The following STARD9 variants were observed in gnomAD, a reference collection of about 807,000 sequenced individuals.
STARD9 encodes StAR related lipid transfer domain containing 9, also known as stAR-related lipid transfer protein 9.
Under a neutral mutation model 399.8 loss-of-function variants are expected in STARD9, and 346 were observed. That is an observed-to-expected ratio of 0.87 (90% CI 0.79 to 0.95). The LOEUF is 0.95. Among genes scored for constraint, STARD9 ranks in the 40% least tolerant of loss-of-function variants. The pLI, the probability that STARD9 is intolerant of heterozygous loss-of-function variation, is 0.00. For synonymous variants in STARD9, 2,203 were observed against 2,143.5 expected, an observed-to-expected ratio of 1.03 and a Z score of -0.77; for missense variants, 5,832 against 5,667.5, an observed-to-expected ratio of 1.03 and a Z score of -0.93.
intron 3 of STARD9, among the ~76,000 whole-genome samples, chr15:42,632,372 G>GT (rs1438835404): frequency 6.6e-6 from 1 of 152,042 alleles, no homozygotes; most frequent in African/African-American, 2.4e-5. Context: ...GTTGGGTCTT[G>GT]TTTTTTAAAT....
chr15:42,620,286 AT>A lies in STARD9; in HGVS notation c.235-14557del, dbSNP rs869052417. 9.6e-3 allele frequency among the ~76,000 whole-genome samples: 1,402 copies of A among 146,530 alleles called. 15 individuals are homozygous for A. The highest frequency in any genetic ancestry group is 0.031 in the African/African-American group (1,229 of 40,238). On this transcript the variant is annotated intron_variant, in intron 3 of 32. Coordinates refer to ENST00000290607, the MANE Select transcript of STARD9 (RefSeq NM_020759.3). ...TCCAATTAGCAGCAGTTATAAGTAG[AT>A]TTTTTTTTTTTTCCGAGACTATGTC...
Position 42,718,047 on chromosome 15 carries a change from G to C in STARD9, c.13630G>C (p.Gly4544Arg). The C allele has an allele frequency of 6.5e-7, 1 of 1,537,228 alleles. No individual in the cohort carries two copies. Among genetic ancestry groups the C allele is most frequent in the Non-Finnish European group, 8.7e-7 (1 of 1,146,910 alleles). The change falls in exon 30 of 33, where the codon GGG (glycine) becomes CGG (arginine). Residue 4544 changes from glycine (G) to arginine (R), a missense_variant. Physicochemically the swap from Gly to Arg is moderately radical, Grantham distance 125 (BLOSUM62 -2). Coordinates refer to ENST00000290607, the MANE Select transcript of STARD9 (RefSeq NM_020759.3). ...VFSPTRHGFL[G>R]AGVVSQPLSR... is the part of the protein sequence containing the mutation. Reference sequence around the variant, plus strand: ...TTCTCCCACTCGGCATGGCTTCCTGGGGGCAGGTGTGGTGTCCCAGCCGCT... The same window carrying C: ...TTCTCCCACTCGGCATGGCTTCCTGCGGGCAGGTGTGGTGTCCCAGCCGCT...
chr15:42,620,491 A>G (rs78617381), intron 3 of STARD9, among the ~76,000 whole-genome samples: 1 of 151,824 alleles, frequency 6.6e-6, no homozygotes, highest in Non-Finnish European at 1.5e-5. Flanking sequence ...AAAAAAAAAA[A>G]TTTTCAGGAA....
chr15:42,709,568 C>G (rs1181065742), intron 26 of STARD9, among the ~76,000 whole-genome samples: 1 of 152,108 alleles, frequency 6.6e-6, no homozygotes, highest in African/African-American at 2.4e-5. Context: ...GCCTGTAGAC[C>G]CAGCTACACA....
intron 3 of STARD9, among the ~76,000 whole-genome samples, chr15:42,589,394 A>G (rs2058349919): frequency 6.6e-6 from 1 of 152,096 alleles, no homozygotes; most frequent in Non-Finnish European, 1.5e-5. Flanking sequence ...CAGGTGTGTA[A>G]CTGACACTAC....
At position 42,693,029 on chromosome 15, in the gene STARD9, C is replaced by T; in HGVS notation, c.11451C>T (p.Ser3817=). 1.3e-6 allele frequency: 2 copies of T among 1,537,202 alleles called. No individual in the cohort carries two copies. Among genetic ancestry groups the T allele is most frequent in the Non-Finnish European group, 8.7e-7 (1 of 1,146,900 alleles). The part of the protein sequence containing the change: ...YKPQSPSIPS[S]HLRFQKAPVG... ...CCCAGAGCCCTTCAATACCCTCATC[C>T]CACTTGAGGTTTCAGAAAGCCCCCG... Residue 3817 remains serine, a synonymous_variant, in exon 23 of 33, where the codon TCC becomes TCT. Coordinates refer to ENST00000290607, the MANE Select transcript of STARD9 (RefSeq NM_020759.3).
chr15:42,658,092 T>C (rs1325340173), intron 9 of STARD9, among the ~76,000 whole-genome samples: 1 of 152,178 alleles, frequency 6.6e-6, no homozygotes. Context: ...AAAACACAAA[T>C]TGAACAGAAG....
intron 9 of STARD9, among the ~76,000 whole-genome samples, chr15:42,653,631 A>G (rs561235567): frequency 2.0e-5 from 3 of 152,146 alleles, no homozygotes; most frequent in African/African-American, 7.2e-5. Flanking sequence ...AATATAAAAA[A>G]CTGGCAATAA....
intron 15 of STARD9, among the ~76,000 whole-genome samples, chr15:42,668,058 C>T (rs2060137012): frequency 6.6e-6 from 1 of 152,146 alleles, no homozygotes; most frequent in Admixed American, 6.5e-5. Flanking sequence ...TTATGCAGGC[C>T]AGCTGAGCTG....
intron 1 of STARD9, chr15:42,581,543 C>A (rs1029663641): frequency 3.3e-6 from 4 of 1,199,978 alleles, no homozygotes; most frequent in African/African-American, 1.5e-5. Context: ...GGCGCCGGGC[C>A]GGTCTGCTCC....
intron 3 of STARD9, among the ~76,000 whole-genome samples, chr15:42,627,211 G>A (rs1018133500): frequency 6.6e-6 from 1 of 152,130 alleles, no homozygotes; most frequent in African/African-American, 2.4e-5. Context: ...TGGGAGGATT[G>A]CTTGAGCCTG....
intron 3 of STARD9, among the ~76,000 whole-genome samples, chr15:42,627,204 G>C (rs1005364099): frequency 6.6e-6 from 1 of 152,166 alleles, no homozygotes; most frequent in African/African-American, 2.4e-5. Context: ...GCTAAGGTGG[G>C]AGGATTGCTT....
At position 42,685,242 on chromosome 15, in the gene STARD9, C is replaced by T. The variant is rs1380431556; in HGVS notation, c.3664C>T (p.Pro1222Ser). ...EELGEDQQEE[P>S]FPGSADEIPT... ...ACTGGGGGAAGATCAGCAAGAAGAA[C>T]CTTTCCCTGGTTCAGCTGACGAGAT... Residue 1222 changes from proline (P) to serine (S), a missense_variant, in exon 23 of 33, where the codon CCT (proline) becomes TCT (serine). By Grantham distance (74) the Pro-to-Ser change is moderately conservative. Around this residue, in one of 2 missense-constraint regions of STARD9, gnomAD observed 5,828 missense variants for 5,651.1 expected, o/e 1.03. Coordinates refer to ENST00000290607, the MANE Select transcript of STARD9 (RefSeq NM_020759.3). 1.3e-6 allele frequency: 2 copies of T among 1,537,400 alleles called. No individual in the cohort carries two copies. Among genetic ancestry groups the T allele is most frequent in the East Asian group, 4.9e-5 (2 of 40,918 alleles).
At chr15:42,699,822 T>A (rs1356521227) in intron 26 of STARD9, among the ~76,000 whole-genome samples, 1 of 152,096 alleles carries the variant, frequency 6.6e-6, no homozygotes, top group Non-Finnish European at 1.5e-5. Flanking sequence ...TTCTCATGCC[T>A]CAGCTTCCCA....
chr15:42,663,687 A>C, intron 12 of STARD9, 133 bp from the exon 13 acceptor site: 1 of 757,886 alleles, frequency 1.3e-6, no homozygotes, highest in Non-Finnish European at 2.2e-6. Context: ...TATCTCAGAG[A>C]AAGGGCCATG....
At chr15:42,626,066 C>T (rs960431284) in intron 3 of STARD9, among the ~76,000 whole-genome samples, 2 of 152,052 alleles carry the variant, frequency 1.3e-5, no homozygotes, top group South Asian at 2.1e-4. Context: ...GCATTACAGG[C>T]ACCTGCCACC....
At chr15:42,639,915 GTTTA>G (rs912865259) in intron 7 of STARD9, among the ~76,000 whole-genome samples, 15 of 151,918 alleles carry the variant, frequency 9.9e-5, no homozygotes, top group African/African-American at 2.9e-4. Context: ...CAGTATGCTA[GTTTA>G]TTTTTTATTT....
Position 42,688,749 on chromosome 15 carries a change from A to C in STARD9, c.7171A>C (p.Ser2391Arg), listed in dbSNP as rs1406175767. ...CCAGAGTACGGAGACCAGAAGCCACAGCCCCGAAGGAAATGTTAGAGGGCG... is the reference window on the plus strand; with the variant it reads ...CCAGAGTACGGAGACCAGAAGCCACCGCCCCGAAGGAAATGTTAGAGGGCG... ...QDQSTETRSH[S>R]PEGNVRGRSS... The change falls in exon 23 of 33, where the codon AGC becomes CGC. Residue 2391 changes from serine (S) to arginine (R), a missense_variant. Ser to Arg is a moderately radical substitution (Grantham distance 110). Around this residue, in one of 2 missense-constraint regions of STARD9, gnomAD observed 5,828 missense variants for 5,651.1 expected, o/e 1.03. Transcript: ENST00000290607. The C allele has an allele frequency of 6.5e-7, 1 of 1,537,772 alleles. No individual in the cohort carries two copies. The highest frequency in any genetic ancestry group is 1.2e-5 in the South Asian group (1 of 84,064).
rs1211365403 is a variant in STARD9 at position 42,688,248 on chromosome 15, G to C, written c.6670G>C (p.Gly2224Arg). 2.1e-5 allele frequency: 32 copies of C among 1,537,472 alleles called. No homozygotes were observed. Among genetic ancestry groups the C allele is most frequent in the Non-Finnish European group, 2.8e-5 (32 of 1,147,006 alleles). The stretch of plus-strand genomic sequence containing the variant: ...GCTAGAGAGGTCTTCTAAGAATAAT[G>C]GCCAGTTTGTAAAAGCATCAGCAAG... Reference protein sequence around the residue: ...PRLERSSKNNGQFVKASASLK... With the variant: ...PRLERSSKNNRQFVKASASLK... Residue 2224 changes from glycine (G) to arginine (R), a missense_variant, in exon 23 of 33, where the codon GGC becomes CGC. Transcript: ENST00000290607.
Sources: gnomAD v4.1 joint callset for allele counts (sites outside exome capture counted in the v4.1 genomes callset) on GRCh38, gnomAD v4.1.1 for gene constraint, gnomAD v4.1.1 regional missense constraint, MANE v1.5 for transcripts, NCBI Gene and HGNC (gene_info 2026-07-23, HGNC 2026-07-21) for gene names.